WDR11: variants seen among roughly 807,000 people sequenced by gnomAD.
WDR11 encodes WD repeat domain 11.
In WDR11, 83 loss-of-function variants were observed where a neutral mutation model predicts 151.2. That is an observed-to-expected ratio of 0.55 (90% CI 0.46 to 0.66). The LOEUF is 0.66. Among genes scored for constraint, WDR11 ranks in the 30% least tolerant of loss-of-function variants. The probability of loss-of-function intolerance (pLI) is 0.00; values close to 1 mark genes in which losing one functional copy is unlikely to be tolerated. For missense variants in WDR11, 1,301 were observed against 1,480.9 expected (o/e 0.88, Z 1.99); for synonymous variants, 484 against 533.1 (o/e 0.91, Z 1.27).
intron 3 of WDR11, among the ~76,000 whole-genome samples, chr10:120,859,693 A>G (rs1846070594): frequency 1.3e-5 from 2 of 152,146 alleles, no homozygotes; most frequent in Non-Finnish European, 2.9e-5. Context: ...AGATCTTTGC[A>G]TATTCTGTTT....
At chr10:120,871,455 T>TA in intron 10 of WDR11, 109 bp downstream of exon 10, 1 of 1,188,160 alleles carries the variant, frequency 8.4e-7, no homozygotes, top group Non-Finnish European at 1.2e-6. Context: ...TAAAAGGAGA[T>TA]AGAGACTAAG....
In WDR11 at chr10:120,906,684, A is replaced by T. The variant is rs1256132962; in HGVS notation, c.3438-92A>T. 3.1e-6 allele frequency: 5 copies of T among 1,608,190 alleles called. No individual in the cohort carries two copies. The East Asian group carries it at 6.7e-5, about 22-fold the overall frequency. ...TAATGCAGTATGCAGGTTTCCAGGG[A>T]AAATGTGTAAATGTCTTTATACCCT... On this transcript the variant is annotated intron_variant, in intron 27 of 28. Coordinates refer to ENST00000263461, the MANE Select transcript of WDR11 (RefSeq NM_018117.12).
chr10:120,860,068 GTGGTT>G (rs753530409), intron 3 of WDR11, 36 bp from the exon 4 acceptor site: 9 of 1,612,704 alleles, frequency 5.6e-6, no homozygotes, highest in Non-Finnish European at 6.8e-6. Flanking sequence ...TTTGGAGAGT[GTGGTT>G]TCTGAATTTT....
At chr10:120,895,165 A>T (rs1311958888) in intron 19 of WDR11, among the ~76,000 whole-genome samples, 1 of 152,204 alleles carries the variant, frequency 6.6e-6, no homozygotes, top group Non-Finnish European at 1.5e-5. Context: ...ACAGCATGAG[A>T]ACTTTCCCTG....
rs775808245 is a variant in WDR11, at chr10:120,886,852, A to C, written c.2121+16A>C. On this transcript the variant is annotated intron_variant, in intron 16 of 28. Transcript: ENST00000263461. ...TCCACCAGATGTGAGTACAACCTTG[A>C]TTAAATCTTCATCAAGAAGATTTTG... is the stretch of plus-strand genomic sequence containing the variant. 12 of 1,613,916 alleles carry C rather than the reference A, an allele frequency of 7.4e-6. No individual in the cohort carries two copies. The highest frequency in any genetic ancestry group is 1.0e-5 in the Non-Finnish European group (12 of 1,179,892).
intron 13 of WDR11, 66 bp downstream of exon 13, chr10:120,880,967 C>A: frequency 2.1e-6 from 3 of 1,433,528 alleles, no homozygotes; most frequent in South Asian, 2.4e-5. Flanking sequence ...TTTTTTTAAT[C>A]TTTAAGAAAA....
In WDR11 at chr10:120,905,386, C is replaced by T. The variant is rs769195341; in HGVS notation, c.3261C>T (p.Gly1087=). 17 of 1,614,092 alleles carry T rather than the reference C, an allele frequency of 1.1e-5. No individual in the cohort carries two copies. Among genetic ancestry groups the T allele is most frequent in the Non-Finnish European group, 1.3e-5 (15 of 1,180,016 alleles). ...ADACRYLQTY[G]EWNRAAWLAK... ...CCTGCCGCTACCTGCAGACATACGG[C>T]GAGTGGAATCGGGCTGCATGGCTGG... Residue 1087 remains glycine, a synonymous_variant, in exon 26 of 29, where the codon GGC becomes GGT. Transcript: ENST00000263461.
At chr10:120,856,690 A>G (rs1004574190) in intron 2 of WDR11, among the ~76,000 whole-genome samples, 1 of 151,976 alleles carries the variant, frequency 6.6e-6, no homozygotes, top group Non-Finnish European at 1.5e-5. Flanking sequence ...ATTATCTTCA[A>G]GATTTCCTTA....
Position 120,870,342 on chromosome 10 carries a change from C to T in WDR11, c.1295-828C>T, listed in dbSNP as rs1846493311. Among the ~76,000 whole-genome samples the T allele has an allele frequency of 2.6e-5, 4 of 152,124 alleles. No individual in the cohort carries two copies. In the South Asian group the frequency reaches 8.3e-4, roughly 32 times the overall value. On this transcript the variant is annotated intron_variant, in intron 9 of 28. Transcript: ENST00000263461. The stretch of plus-strand genomic sequence containing the variant: ...GTGTGTAGACATGTATGTATATACT[C>T]ATGCATATTCTTTCTATTTTTGGCA...
intron 27 of WDR11, chr10:120,906,295 G>C (rs529125132): frequency 7.6e-7 from 1 of 1,319,780 alleles, no homozygotes; most frequent in South Asian, 1.6e-5. Context: ...GAGAATTGGG[G>C]TCCATTCAGC....
At chr10:120,906,911 T>C in intron 28 of WDR11, 56 bp downstream of exon 28, 3 of 1,613,242 alleles carry the variant, frequency 1.9e-6, no homozygotes, top group Middle Eastern at 1.7e-4. Context: ...TGCATGGGTT[T>C]TGGAATTTCC....
intron 10 of WDR11, among the ~76,000 whole-genome samples, chr10:120,872,477 G>C (rs1317942651): frequency 1.3e-5 from 2 of 152,124 alleles, no homozygotes; most frequent in Non-Finnish European, 2.9e-5. Context: ...TGTAATAAGA[G>C]CTATGGCAAG....
intron 4 of WDR11, 32 bp from the exon 5 acceptor site, chr10:120,862,703 C>T: frequency 1.2e-6 from 2 of 1,608,324 alleles, no homozygotes; most frequent in Non-Finnish European, 1.7e-6. Flanking sequence ...CTTCATTAAA[C>T]TTTAATCAGA....
At chr10:120,891,039 G>C in intron 19 of WDR11, 152 bp downstream of exon 19, 1 of 848,794 alleles carries the variant, frequency 1.2e-6, no homozygotes, top group Non-Finnish European at 1.8e-6. Flanking sequence ...TGAAGCTTGA[G>C]TGTTTTTACT....
chr10:120,906,498 C>G, intron 27 of WDR11: 1 of 1,318,500 alleles, frequency 7.6e-7, no homozygotes, highest in Non-Finnish European at 9.7e-7. Flanking sequence ...CAACTCTGGA[C>G]AGGGGTACAT....
chr10:120,900,006 A>T (rs764416472), intron 19 of WDR11, 23 bp from the exon 20 acceptor site: 107 of 1,594,430 alleles, frequency 6.7e-5, no homozygotes, highest in Non-Finnish European at 8.9e-5. Context: ...TTTTATTTTT[A>T]AAAACCTTTC....
intron 19 of WDR11, among the ~76,000 whole-genome samples, chr10:120,891,860 CACTTCTT>C (rs1026877314): frequency 6.6e-6 from 1 of 152,200 alleles, no homozygotes; most frequent in African/African-American, 2.4e-5. Flanking sequence ...TGGGCACCAC[CACTTCTT>C]ACTATGTAAC....
intron 16 of WDR11, among the ~76,000 whole-genome samples, chr10:120,887,420 G>T (rs1590097271): frequency 1.3e-5 from 2 of 152,288 alleles, no homozygotes. Context: ...AAATGTTTAT[G>T]TTAATTAATG....
chr10:120,885,969 T>G lies in WDR11; in HGVS notation c.1973+31T>G, dbSNP rs1426308515. On this transcript the variant is annotated intron_variant, in intron 15 of 28. Transcript: ENST00000263461. ...GTACAGTGTTTCTTGACACTGTCAT[T>G]TGTGCCATTAGCATCATGTCTGGGA... The G allele has an allele frequency of 1.9e-6, 3 of 1,611,630 alleles. No homozygotes were observed. The African/African-American group carries it at 4.0e-5, about 22-fold the overall frequency.
Sources: gnomAD v4.1 joint callset for allele counts (sites outside exome capture counted in the v4.1 genomes callset) on GRCh38, gnomAD v4.1.1 for gene constraint, MANE v1.5 for transcripts, NCBI Gene and HGNC (gene_info 2026-07-23, HGNC 2026-07-21) for gene names.